The following PLCB2 variants were observed in gnomAD, a reference collection of about 807,000 sequenced individuals.
PLCB2 encodes phospholipase C beta 2, also known as 1-phosphatidylinositol 4,5-bisphosphate phosphodiesterase beta-2.
A neutral mutation model predicts 141.7 loss-of-function variants in PLCB2; 115 were observed. The observed-to-expected ratio is 0.81, with a 90% CI of 0.70 to 0.95. The LOEUF (loss-of-function observed/expected upper bound fraction) is 0.95, where lower values mean the gene tolerates loss of function less well. PLCB2 is among the 40% of genes least tolerant of loss of function. The probability of loss-of-function intolerance (pLI) is 0.00; values close to 1 mark genes in which losing one functional copy is unlikely to be tolerated. For missense variants in PLCB2, 1,403 were observed against 1,541.1 expected (o/e 0.91, Z 1.50); for synonymous variants, 603 against 595.6 (o/e 1.01, Z -0.18).
chr15:40,299,902 T>C (rs1315641404), intron 7 of PLCB2, among the ~76,000 whole-genome samples: 3 of 152,174 alleles, frequency 2.0e-5, no homozygotes, highest in Non-Finnish European at 4.4e-5. Context: ...CCAAAGAAGA[T>C]ATATAAGTGA....
rs775014360 is a variant in PLCB2, at chr15:40,299,256, T to C, written c.583-28A>G. 13 of 1,461,822 alleles carry C rather than the reference T, an allele frequency of 8.9e-6. No homozygotes were observed. The East Asian group carries it at 9.1e-5, about 10-fold the overall frequency. The allele number at this position is 1,461,822 out of a possible 1,614,324, so 90.6% of individuals were successfully genotyped here. A position where few individuals can be genotyped will look rare whatever the true frequency, so the allele number is the denominator to read the frequency against. On this transcript the variant is annotated intron_variant, in intron 7 of 31. Transcript: ENST00000260402. ...AGGGGCATAGTAACCTTATTGCCCC[T>C]GCCCTCACCTTCTCAGAGCTAAGAA...
At chr15:40,292,494 A>T in intron 21 of PLCB2, 51 bp from the exon 22 acceptor site, 1 of 1,294,802 alleles carries the variant, frequency 7.7e-7, no homozygotes, top group Non-Finnish European at 1.1e-6. Flanking sequence ...TCCTGCCAGC[A>T]CTGTGCACAC....
chr15:40,291,939 CAGG>C lies in PLCB2; in HGVS notation c.2527-18_2527-16del. On this transcript the variant is annotated splice_polypyrimidine_tract_variant and intron_variant, in intron 23 of 31. Coordinates refer to ENST00000260402, the MANE Select transcript of PLCB2 (RefSeq NM_004573.3). The stretch of plus-strand genomic sequence containing the variant: ...GGGAAGGGCTTCTGTGTAGGGAGAG[CAGG>C]TCAGGAAGGTGGCTTGACAGCCCTC... The C allele has an allele frequency of 6.2e-7, 1 of 1,613,812 alleles. No homozygotes were observed. Among genetic ancestry groups the C allele is most frequent in the Non-Finnish European group, 8.5e-7 (1 of 1,179,780 alleles).
chr15:40,284,552 G>A (rs972500907), downstream of PLCB2: 2 of 454,616 alleles, frequency 4.4e-6, no homozygotes, highest in African/African-American at 4.0e-5. Flanking sequence ...AAGAAGGAAG[G>A]AATCCCAGGC....
chr15:40,298,802 C>A lies in PLCB2; in HGVS notation c.846G>T (p.Gln282His). 6.2e-7 allele frequency: 1 copy of A among 1,613,064 alleles called. No individual in the cohort carries two copies. Among genetic ancestry groups the A allele is most frequent in the Middle Eastern group, 1.7e-4 (1 of 6,056 alleles). The change falls in exon 9 of 32, where the codon CAG becomes CAT. Residue 282 changes from glutamine (Q) to histidine (H), a missense_variant. Physicochemically the swap from Gln to His is conservative, Grantham distance 24. This residue lies in a region of PLCB2 where 975 missense variants were observed against 1,141.1 expected (regional missense o/e 0.85). Transcript: ENST00000260402. ...DKYEPSGINA[Q>H]RGQLSPEGMV... ...AGGGGTTCCCTTAGTCCTCACCCCT[C>A]TGTGCATTGATGCCACTGGGCTCAT...
rs376635167 is a variant in PLCB2, at chr15:40,292,774, T to A, written c.2326+152A>T. 6 of 565,364 alleles carry A rather than the reference T, an allele frequency of 1.1e-5. No homozygotes were observed. In the East Asian group the frequency reaches 1.7e-4, roughly 16 times the overall value. 35.0% of individuals were successfully genotyped at this position (565,364 alleles called of 1,614,324 possible). A position where few individuals can be genotyped will look rare whatever the true frequency, so the allele number is the denominator to read the frequency against. On this transcript the variant is annotated intron_variant, in intron 21 of 31. Transcript: ENST00000260402. Reference sequence around the variant, plus strand: ...TAGGTGGGCAGAGTTCCCGCCTCTCTTAGGTTCCTGGAGAGGTACTGTTCT... The same window carrying A: ...TAGGTGGGCAGAGTTCCCGCCTCTCATAGGTTCCTGGAGAGGTACTGTTCT...
In PLCB2 at chr15:40,307,753, A is replaced by T. The variant is rs1016878417; in HGVS notation, c.-81T>A. On this transcript the variant is annotated 5_prime_UTR_variant, in exon 1 of 32. Coordinates refer to ENST00000260402, the MANE Select transcript of PLCB2 (RefSeq NM_004573.3). ...AGGAAGGAGGCCAGCCAGGAGGGGG[A>T]GCCAAGCTGGGCTCAAATGGCACCC... The T allele has an allele frequency of 3.1e-5, 39 of 1,244,574 alleles. No homozygotes were observed. The highest frequency in any genetic ancestry group is 3.8e-5 in the Non-Finnish European group (34 of 898,172). The allele number at this position is 1,244,574 out of a possible 1,614,324, so 77.1% of individuals were successfully genotyped here. A position where few individuals can be genotyped will look rare whatever the true frequency, so the allele number is the denominator to read the frequency against.
chr15:40,303,963 C>A, intron 2 of PLCB2, 38 bp downstream of exon 2: 1 of 1,382,168 alleles, frequency 7.2e-7, no homozygotes, highest in Admixed American at 2.0e-5. Flanking sequence ...CAATGATAAG[C>A]AGGAGTCCAG....
rs2040260826 is a variant in PLCB2 at position 40,297,034 on chromosome 15, C to T, written c.1324-126G>A. 2.4e-6 allele frequency: 2 copies of T among 850,956 alleles called. No individual in the cohort carries two copies. The highest frequency in any genetic ancestry group is 1.9e-6 in the Non-Finnish European group (1 of 521,910). The allele number at this position is 850,956 out of a possible 1,614,324, so 52.7% of individuals were successfully genotyped here. On this transcript the variant is annotated intron_variant, in intron 13 of 31. Transcript: ENST00000260402. This position sits in a 1 kb window ranked among gnomAD's most constrained non-coding sequence, Gnocchi z 4.2. ...TGACCTGCCTCTCACTACTGCTTAT[C>T]ATCCCCATTCTCACTGAGATAAATC...
At chr15:40,307,404 C>A (rs1020680899) in intron 1 of PLCB2, among the ~76,000 whole-genome samples, 185 bp downstream of exon 1, 2 of 152,172 alleles carry the variant, frequency 1.3e-5, no homozygotes, top group Admixed American at 1.3e-4. Flanking sequence ...AGCCCTTTAG[C>A]TGGGGACATA....
chr15:40,302,145 G>T lies in PLCB2; in HGVS notation c.497C>A (p.Pro166Gln). 1 of 1,611,124 alleles carries T rather than the reference G, an allele frequency of 6.2e-7. No homozygotes were observed. Among genetic ancestry groups the T allele is most frequent in the Non-Finnish European group, 8.5e-7 (1 of 1,178,090 alleles). Residue 166 changes from proline to glutamine, a missense_variant, in exon 6 of 32, where the codon CCG becomes CAG. Pro to Gln is a moderately conservative substitution (Grantham distance 76). Around this residue, in one of 4 missense-constraint regions of PLCB2, gnomAD observed 975 missense variants for 1,141.1 expected, o/e 0.85. Coordinates refer to ENST00000260402, the MANE Select transcript of PLCB2 (RefSeq NM_004573.3). Reference sequence around the variant, plus strand: ...GGGTTGGGGGGCTCACTTCTTCACCGGAATCTTCCCTTCAGAGTTGAGCTG... The same window carrying T: ...GGGTTGGGGGGCTCACTTCTTCACCTGAATCTTCCCTTCAGAGTTGAGCTG... ...KMQLNSEGKI[P>Q]VKNFFQMFPA...
At chr15:40,301,314 C>T in intron 7 of PLCB2, 1 of 540,668 alleles carries the variant, frequency 1.8e-6, no homozygotes, top group Non-Finnish European at 3.3e-6. Flanking sequence ...GGGACAGGGG[C>T]TGAGATTCGC....
In PLCB2 at chr15:40,304,006, T is replaced by C. The variant is rs2040664036; in HGVS notation, c.157A>G (p.Ser53Gly). ...GCACACAAGGGTTTTCTCACCTTAC[T>C]TTGATACGTCCAGTATAAGTAGTAG... ...KGYYLYWTYQSKEMEFLDITS... is the reference protein window; with the variant it reads ...KGYYLYWTYQGKEMEFLDITS... Residue 53 changes from serine to glycine, a missense_variant, in exon 2 of 32, where the codon AGT becomes GGT. By Grantham distance (56) the Ser-to-Gly change is moderately conservative. Coordinates refer to ENST00000260402, the MANE Select transcript of PLCB2 (RefSeq NM_004573.3). The C allele has an allele frequency of 6.3e-7, 1 of 1,585,360 alleles. No individual in the cohort carries two copies. Among genetic ancestry groups the C allele is most frequent in the African/African-American group, 1.3e-5 (1 of 74,622 alleles).
rs1595670829 is a variant in PLCB2 at position 40,299,691 on chromosome 15, A to C, written c.583-463T>G. ...TTCAACAATAATATTTGGAGACACCAAAAGCACCGGGACAAAGAAAGATAA... is the reference window on the plus strand; with the variant it reads ...TTCAACAATAATATTTGGAGACACCCAAAGCACCGGGACAAAGAAAGATAA... On this transcript the variant is annotated intron_variant, in intron 7 of 31. Coordinates refer to ENST00000260402, the MANE Select transcript of PLCB2 (RefSeq NM_004573.3). Among the ~76,000 whole-genome samples the C allele has an allele frequency of 1.3e-5, 2 of 152,382 alleles. 1 individual carries two copies. Among genetic ancestry groups the C allele is most frequent in the Non-Finnish European group, 2.9e-5 (2 of 68,036 alleles).
chr15:40,295,359 G>T, intron 16 of PLCB2, 74 bp from the exon 17 acceptor site: 1 of 1,030,064 alleles, frequency 9.7e-7, no homozygotes, highest in Non-Finnish European at 1.5e-6. Flanking sequence ...TCCCCTTTGG[G>T]GCAGCTCCCT....
At position 40,297,786 on chromosome 15, in the gene PLCB2, G is replaced by T. The variant is rs2040301780; in HGVS notation, c.1238+91C>A. On this transcript the variant is annotated intron_variant, in intron 12 of 31. Coordinates refer to ENST00000260402, the MANE Select transcript of PLCB2 (RefSeq NM_004573.3). The surrounding 1 kb of genome is among the most constrained non-coding windows in gnomAD (Gnocchi z 4.2). ...GACGTGGGAGAAGCTGTAGGCAATG[G>T]TTAGAGGCTGGGGCAGTTGTGGGGA... 2 of 1,089,546 alleles carry T rather than the reference G, an allele frequency of 1.8e-6. No homozygotes were observed. The highest frequency in any genetic ancestry group is 1.3e-5 in the South Asian group (1 of 76,104). The allele number at this position is 1,089,546 out of a possible 1,614,324, so 67.5% of individuals were successfully genotyped here.
chr15:40,295,425 GACCA>G (rs1256727182), intron 16 of PLCB2, 140 bp from the exon 17 acceptor site: 2 of 647,626 alleles, frequency 3.1e-6, no homozygotes, highest in Non-Finnish European at 5.6e-6. Flanking sequence ...GAGGTTTAGG[GACCA>G]ACCTCTGGGA....
chr15:40,290,946 G>C, intron 27 of PLCB2, 72 bp downstream of exon 27: 1 of 1,501,030 alleles, frequency 6.7e-7, no homozygotes, highest in Non-Finnish European at 8.9e-7. Flanking sequence ...GTCGGTGAGA[G>C]GGGCGAATGG....
In PLCB2 at chr15:40,294,389, A is replaced by C. The variant is rs1298219251; in HGVS notation, c.1938T>G (p.Phe646Leu). 6.2e-7 allele frequency: 1 copy of C among 1,614,096 alleles called. No homozygotes were observed. The highest frequency in any genetic ancestry group is 1.3e-5 in the African/African-American group (1 of 74,930). Residue 646 changes from phenylalanine (F) to leucine (L), a missense_variant, in exon 19 of 32, where the codon TTT becomes TTG. Phe to Leu is a conservative substitution (Grantham distance 22). Coordinates refer to ENST00000260402, the MANE Select transcript of PLCB2 (RefSeq NM_004573.3). The part of the protein sequence containing the change: ...DLPMQQNMAV[F>L]EFNGQSGYLL... Reference sequence around the variant, plus strand: ...GGTAGCCGCTCTGCCCGTTGAACTCAAATACTGCCATGTTCTGCTGCATGG... The same window carrying C: ...GGTAGCCGCTCTGCCCGTTGAACTCCAATACTGCCATGTTCTGCTGCATGG...
Sources: allele counts gnomAD v4.1 joint callset (sites outside exome capture counted in the v4.1 genomes callset), GRCh38; gene constraint gnomAD v4.1.1; regional missense constraint gnomAD v4.1.1; non-coding constraint Gnocchi (gnomAD v3.1); transcripts MANE v1.5; gene names NCBI Gene and HGNC (gene_info 2026-07-23, HGNC 2026-07-21).